Variants in DPP6 observed in about 807,000 individuals in gnomAD.
DPP6 encodes the protein dipeptidyl peptidase like 6, also known as A-type potassium channel modulatory protein DPP6.
Under a neutral mutation model 122.6 loss-of-function variants are expected in DPP6, and 69 were observed. The ratio of observed to expected loss-of-function variants is 0.56; its 90% confidence interval spans 0.46 to 0.69. The LOEUF (loss-of-function observed/expected upper bound fraction) is 0.69. DPP6 is among the 30% of genes least tolerant of loss of function. The pLI is 0.00. For synonymous variants in DPP6, 418 were observed against 433.1 expected, an observed-to-expected ratio of 0.97 and a Z score of 0.43; for missense variants, 928 against 1,116.9, an observed-to-expected ratio of 0.83 and a Z score of 2.41.
At chr7:153,942,978 T>C (rs543957763) in intron 1 of DPP6, among the ~76,000 whole-genome samples, 1 of 152,330 alleles carries the variant, frequency 6.6e-6, no homozygotes, top group Non-Finnish European at 1.5e-5. Flanking sequence ...CTGATGCTAA[T>C]GGTCAGCTGG....
intron 6 of DPP6, among the ~76,000 whole-genome samples, chr7:154,643,112 T>C (rs1394482159): frequency 8.5e-5 from 13 of 152,218 alleles, no homozygotes; most frequent in Non-Finnish European, 2.9e-5. Context: ...CAATTCTCTT[T>C]AATAATTTTT....
At chr7:154,574,792 T>G (rs1157526934) in intron 5 of DPP6, among the ~76,000 whole-genome samples, 388 of 102,368 alleles carry the variant, frequency 3.8e-3, no homozygotes, top group African/African-American at 0.015. Flanking sequence ...TGTGTGTGTG[T>G]GGTGTGTGTT....
At chr7:154,460,136 C>T (rs569410444) in intron 2 of DPP6, among the ~76,000 whole-genome samples, 1 of 151,966 alleles carries the variant, frequency 6.6e-6, no homozygotes, top group East Asian at 2.0e-4. Flanking sequence ...CGTGTACCAC[C>T]ACACCTGGCT....
chr7:154,409,957 G>T (rs971924706), intron 1 of DPP6, among the ~76,000 whole-genome samples: 3 of 152,218 alleles, frequency 2.0e-5, no homozygotes, highest in Admixed American at 6.5e-5. Flanking sequence ...AGGAAAGACA[G>T]AGGAGAAAAT....
At chr7:154,360,101 C>T (rs1426657145) in intron 1 of DPP6, among the ~76,000 whole-genome samples, 1 of 152,178 alleles carries the variant, frequency 6.6e-6, no homozygotes, top group Non-Finnish European at 1.5e-5. Flanking sequence ...TCCTCCCTTT[C>T]TTATTTCTTT....
At chr7:154,459,805 C>CAAAAAAAAAAAAA (rs775605275) in intron 2 of DPP6, among the ~76,000 whole-genome samples, 9 of 63,068 alleles carry the variant, frequency 1.4e-4, no homozygotes, top group South Asian at 9.8e-4. Context: ...GATTCCATCT[C>CAAAAAAAAAAAAA]AAAAAAAAAA....
chr7:154,172,447 G>T (rs1451716977), intron 1 of DPP6, among the ~76,000 whole-genome samples: 1 of 152,154 alleles, frequency 6.6e-6, no homozygotes, highest in Non-Finnish European at 1.5e-5. Context: ...ATCTCTGCAT[G>T]TTGTCATTAG....
chr7:153,901,159 A>C (rs1799625497), intron 1 of DPP6, among the ~76,000 whole-genome samples: 1 of 152,210 alleles, frequency 6.6e-6, no homozygotes, highest in Non-Finnish European at 1.5e-5. Context: ...TAATGCTAAA[A>C]TGCTCTTATG....
chr7:154,889,325 C>A lies in DPP6; in HGVS notation c.2358C>A (p.Ile786=). The A allele has an allele frequency of 6.2e-7, 1 of 1,612,966 alleles. No homozygotes were observed. Among genetic ancestry groups the A allele is most frequent in the Non-Finnish European group, 8.5e-7 (1 of 1,179,658 alleles). The change falls in exon 24 of 26, where the codon ATC becomes ATA. Residue 786 remains isoleucine (I), a synonymous_variant. Coordinates refer to ENST00000377770, the MANE Select transcript of DPP6 (RefSeq NM_130797.4). Reference sequence around the variant, plus strand: ...CGCTGGAAGAACAGCAGTTCCTGATCATTCATCCCACTGCCGATGGTAAGG... The same window carrying A: ...CGCTGGAAGAACAGCAGTTCCTGATAATTCATCCCACTGCCGATGGTAAGG... ...VSALEEQQFL[I]IHPTADEKIH...
At chr7:154,272,147 A>G (rs1478633935) in intron 1 of DPP6, among the ~76,000 whole-genome samples, 1 of 152,238 alleles carries the variant, frequency 6.6e-6, no homozygotes, top group Admixed American at 6.5e-5. Flanking sequence ...CTGCCAGCAC[A>G]GTGCCTTGAA....
intron 1 of DPP6, among the ~76,000 whole-genome samples, chr7:154,141,635 G>T (rs1314088302): frequency 1.3e-5 from 2 of 152,202 alleles, no homozygotes; most frequent in African/African-American, 2.4e-5. Flanking sequence ...TGTTAGAAGG[G>T]ACCTTTTTAA....
the DPP6 span, among the ~76,000 whole-genome samples, chr7:153,763,377 GAAAAAA>G: frequency 1.2e-4 from 15 of 128,704 alleles, no homozygotes; most frequent in South Asian, 5.1e-4. Context: ...GTACAAGTAA[GAAAAAA>G]AAAAAAAAAA....
chr7:154,018,989 G>A (rs540819127), intron 1 of DPP6, among the ~76,000 whole-genome samples: 4 of 152,232 alleles, frequency 2.6e-5, no homozygotes, highest in African/African-American at 9.6e-5. Context: ...ATGGAAAAAT[G>A]CAAAACAAAT....
the DPP6 span, among the ~76,000 whole-genome samples, chr7:153,758,735 T>C: frequency 6.6e-6 from 1 of 151,308 alleles, no homozygotes; most frequent in Admixed American, 6.6e-5. Flanking sequence ...AATACTTGAT[T>C]GTATGCCTAT....
chr7:154,277,969 AGGTGCAC>A (rs1804249216), intron 1 of DPP6, among the ~76,000 whole-genome samples: 11 of 152,194 alleles, frequency 7.2e-5, no homozygotes, highest in African/African-American at 2.4e-5. Context: ...ATAATCAGGC[AGGTGCAC>A]GGCTTTGCCC....
At chr7:154,716,419 A>G (rs1841486211) in intron 7 of DPP6, among the ~76,000 whole-genome samples, 1 of 152,144 alleles carries the variant, frequency 6.6e-6, no homozygotes, top group Non-Finnish European at 1.5e-5. Context: ...CAGATCTGTG[A>G]GCCTTTCCAC....
chr7:154,076,381 C>T (rs1385952174), intron 1 of DPP6, among the ~76,000 whole-genome samples: 4 of 151,672 alleles, frequency 2.6e-5, no homozygotes, highest in Non-Finnish European at 5.9e-5. Context: ...ACCTGGGAGG[C>T]GGAGGTTGCA....
At chr7:154,773,902 G>A (rs1374356894) in intron 10 of DPP6, among the ~76,000 whole-genome samples, 1 of 152,154 alleles carries the variant, frequency 6.6e-6, no homozygotes, top group Non-Finnish European at 1.5e-5. Context: ...TGATGTGCTG[G>A]TCTCCTGCAG....
intron 1 of DPP6, among the ~76,000 whole-genome samples, chr7:154,284,465 C>T (rs948644057): frequency 2.6e-5 from 4 of 152,112 alleles, no homozygotes; most frequent in Non-Finnish European, 5.9e-5. Context: ...ATGGATGGAT[C>T]AATAAAATGT....
Sources: gnomAD v4.1 joint callset for allele counts (sites outside exome capture counted in the v4.1 genomes callset) on GRCh38, gnomAD v4.1.1 for gene constraint, MANE v1.5 for transcripts, NCBI Gene and HGNC (gene_info 2026-07-23, HGNC 2026-07-21) for gene names.